Variants in PRPF18 observed in about 807,000 individuals in gnomAD.
The protein encoded by PRPF18 is pre-mRNA-splicing factor 18.
Under a neutral mutation model 46.5 loss-of-function variants are expected in PRPF18, and 38 were observed. The observed-to-expected ratio is 0.82, with a 90% CI of 0.63 to 1.07. PRPF18 has a LOEUF of 1.07. Ranked by LOEUF, PRPF18 falls within the 50% of genes least tolerant of loss-of-function variation. The probability of loss-of-function intolerance (pLI) is 0.00; values close to 1 mark genes in which losing one functional copy is unlikely to be tolerated. For synonymous variants in PRPF18, 152 were observed against 146.7 expected, an observed-to-expected ratio of 1.04 and a Z score of -0.26; for missense variants, 263 against 410.0, an observed-to-expected ratio of 0.64 and a Z score of 3.10.
intron 4 of PRPF18, 97 bp from the exon 5 acceptor site, chr10:13,609,942 G>A: frequency 3.0e-6 from 4 of 1,318,742 alleles, no homozygotes; most frequent in Non-Finnish European, 4.2e-6. Context: ...TCTTGTGGGG[G>A]AAAAAATATT....
intron 6 of PRPF18, among the ~76,000 whole-genome samples, 197 bp downstream of exon 6, chr10:13,611,880 G>C (rs927403568): frequency 1.4e-5 from 2 of 147,656 alleles, no homozygotes; most frequent in African/African-American, 4.9e-5. Flanking sequence ...TTTTCTTGTG[G>C]CTTTTTTTTT....
chr10:13,651,943 C>T, the PRPF18 span: 5 of 1,600,962 alleles, frequency 3.1e-6, no homozygotes, highest in East Asian at 2.2e-5. Flanking sequence ...GACTCAGACC[C>T]ATCCAGAATG....
intron 9 of PRPF18, among the ~76,000 whole-genome samples, chr10:13,629,905 C>T (rs145849363): frequency 1.0e-3 from 152 of 152,298 alleles, no homozygotes; most frequent in African/African-American, 3.3e-3. Context: ...TCTATTGGAA[C>T]CTGGTTGAGA....
chr10:13,608,868 C>G (rs964814228), intron 4 of PRPF18, among the ~76,000 whole-genome samples: 2 of 152,084 alleles, frequency 1.3e-5, no homozygotes, highest in African/African-American at 4.8e-5. Context: ...ATTATTTGGC[C>G]GTTGGCAAGT....
chr10:13,627,436 A>G (rs187750457), intron 9 of PRPF18, among the ~76,000 whole-genome samples: 1 of 152,332 alleles, frequency 6.6e-6, no homozygotes, highest in African/African-American at 2.4e-5. Context: ...AAAATACCAC[A>G]AGTTTTTAAG....
chr10:13,599,359 G>A (rs2080074710), intron 2 of PRPF18, among the ~76,000 whole-genome samples: 1 of 152,128 alleles, frequency 6.6e-6, no homozygotes, highest in Admixed American at 6.5e-5. Flanking sequence ...TTACCATATA[G>A]CCTTTCTTAA....
chr10:13,610,270 GGCAGAGCA>G, intron 5 of PRPF18, 85 bp downstream of exon 5: 1 of 1,417,982 alleles, frequency 7.1e-7, no homozygotes, highest in Non-Finnish European at 9.6e-7. Context: ...GATTGTTGAG[GGCAGAGCA>G]CACTGTTGTC....
chr10:13,610,473 C>T (rs563869260), intron 5 of PRPF18, among the ~76,000 whole-genome samples: 9 of 152,332 alleles, frequency 5.9e-5, no homozygotes, highest in African/African-American at 1.9e-4. Context: ...TTTTGATTTA[C>T]ATAAATGATG....
In PRPF18 at chr10:13,616,475, C is replaced by T. The variant is rs2080342925; in HGVS notation, c.870C>T (p.Ala290=). ...GTGTCACTATGGTTGGTATCCATGC[C>T]AGAACTGGCAGAGAAAAGATTTTTT... ...PIGVTMVGIH[A]RTGREKIFSK... is the part of the protein sequence containing the mutation. The change falls in exon 9 of 10, where the codon GCC becomes GCT. Residue 290 remains alanine (A), a synonymous_variant. Coordinates refer to ENST00000378572, the MANE Select transcript of PRPF18 (RefSeq NM_003675.4). 6.2e-7 allele frequency: 1 copy of T among 1,613,814 alleles called. No homozygotes were observed. Among genetic ancestry groups the T allele is most frequent in the Non-Finnish European group, 8.5e-7 (1 of 1,179,780 alleles).
At chr10:13,605,988 C>A (rs771373099) in intron 4 of PRPF18, among the ~76,000 whole-genome samples, 1 of 152,042 alleles carries the variant, frequency 6.6e-6, no homozygotes, top group Non-Finnish European at 1.5e-5. Context: ...ATTTTCGTCA[C>A]CAAAGAAATT....
chr10:13,604,027 C>T (rs969186826), intron 3 of PRPF18, among the ~76,000 whole-genome samples: 6 of 152,176 alleles, frequency 3.9e-5, no homozygotes, highest in Non-Finnish European at 8.8e-5. Context: ...AAGTAGATTT[C>T]AGTTTTGAGA....
intron 1 of PRPF18, 173 bp downstream of exon 1, chr10:13,587,325 T>C (rs1390703882): frequency 1.5e-5 from 10 of 688,736 alleles, no homozygotes; most frequent in Non-Finnish European, 2.5e-5. Flanking sequence ...CGTCTCACTG[T>C]TGAGGCTGGA....
the PRPF18 span, chr10:13,645,656 GAT>G: frequency 1.3e-5 from 2 of 152,504 alleles, no homozygotes; most frequent in African/African-American, 4.8e-5. Context: ...TTTGGGAGCT[GAT>G]ATTTTTTTCA....
intron 9 of PRPF18, among the ~76,000 whole-genome samples, chr10:13,617,375 C>T (rs550200804): frequency 2.0e-5 from 3 of 152,084 alleles, no homozygotes; most frequent in Admixed American, 6.5e-5. Flanking sequence ...AATGTTAATT[C>T]GTGTCATGCT....
chr10:13,631,862 T>C (rs2080592956), downstream of PRPF18: 2 of 152,290 alleles, frequency 1.3e-5, no homozygotes, highest in South Asian at 4.1e-4. Flanking sequence ...CTGGTTCCTC[T>C]TGGGAGGTTC....
intron 9 of PRPF18, among the ~76,000 whole-genome samples, chr10:13,618,220 C>T (rs759040694): frequency 7.9e-5 from 12 of 151,836 alleles, no homozygotes; most frequent in Admixed American, 5.2e-4. Flanking sequence ...TCTTGACAGA[C>T]GAGAGAGAAG....
intron 1 of PRPF18, among the ~76,000 whole-genome samples, chr10:13,592,944 A>G (rs1278407800): frequency 6.6e-6 from 1 of 152,254 alleles, no homozygotes; most frequent in Non-Finnish European, 1.5e-5. Flanking sequence ...ACTAGAGTAT[A>G]ACAGAGCACC....
chr10:13,646,485 C>T, the PRPF18 span: 2 of 152,412 alleles, frequency 1.3e-5, no homozygotes, highest in East Asian at 1.9e-4. Flanking sequence ...TGCCACGAGG[C>T]CTCCTCTTCA....
At chr10:13,611,490 C>T (rs2478121) in intron 5 of PRPF18, 125 bp from the exon 6 acceptor site, 4 of 724,400 alleles carry the variant, frequency 5.5e-6, no homozygotes, top group South Asian at 2.0e-5. Context: ...AAATTCCATC[C>T]GATTTTTAAG....
Sources: gnomAD v4.1 joint callset for allele counts (sites outside exome capture counted in the v4.1 genomes callset) on GRCh38, gnomAD v4.1.1 for gene constraint, MANE v1.5 for transcripts, NCBI Gene and HGNC (gene_info 2026-07-23, HGNC 2026-07-21) for gene names.